The following COL13A1 variants were observed in gnomAD, a reference collection of about 807,000 sequenced individuals.
COL13A1 encodes collagen type XIII alpha 1 chain, also known as collagen alpha-1(XIII) chain.
COL13A1 carries 89 observed loss-of-function variants against 130.9 expected under a neutral mutation model. The observed-to-expected ratio is 0.68, with a 90% CI of 0.57 to 0.81. COL13A1 has a LOEUF of 0.81. Ranked by LOEUF, COL13A1 falls within the 30% of genes least tolerant of loss-of-function variation. COL13A1 has a pLI of 0.00. For missense variants in COL13A1, 879 were observed against 934.6 expected (o/e 0.94, Z 0.78); for synonymous variants, 402 against 341.6 (o/e 1.18, Z -1.95).
In COL13A1 at chr10:69,947,077, C is replaced by T. The variant is rs372016503; in HGVS notation, c.2023-230C>T. 5.9e-5 allele frequency among the ~76,000 whole-genome samples: 9 copies of T among 152,332 alleles called. No homozygotes were observed. The South Asian group carries it at 6.2e-4, about 11-fold the overall frequency. ...TGCTGGGATTACAGGCGTGAGCCAC[C>T]GTGCCCAGCCTGAAGTGTGTTCTTG... On this transcript the variant is annotated intron_variant, in intron 37 of 40. Coordinates refer to ENST00000645393, the MANE Select transcript of COL13A1 (RefSeq NM_001368882.1).
In COL13A1 at chr10:69,824,124, T is replaced by G. The variant is rs781447114; in HGVS notation, c.364+1686T>G. 1.9e-4 allele frequency: 90 copies of G among 472,174 alleles called. 1 individual carries two copies. Among genetic ancestry groups the G allele is most frequent in the Non-Finnish European group, 5.7e-5 (13 of 227,060 alleles). 29.2% of individuals were successfully genotyped at this position (472,174 alleles called of 1,614,324 possible). ...ATGACCTTCAGAGAGTTATTTAACC[T>G]CCTTGTGCCTCAGTTGCCTTGTCTG... On this transcript the variant is annotated intron_variant, in intron 2 of 40. Coordinates refer to ENST00000645393, the MANE Select transcript of COL13A1 (RefSeq NM_001368882.1).
At chr10:69,881,806 C>T (rs1196176195) in intron 7 of COL13A1, among the ~76,000 whole-genome samples, 1 of 152,228 alleles carries the variant, frequency 6.6e-6, no homozygotes, top group African/African-American at 2.4e-5. Flanking sequence ...GACTCCATGA[C>T]ATAGGGACTG....
rs1184119665 is a variant in COL13A1, at chr10:69,904,320, C to G, written c.859-613C>G. On this transcript the variant is annotated intron_variant, in intron 15 of 40. Transcript: ENST00000645393. Reference sequence around the variant, plus strand: ...AACAACGACAACCAAAAAAAGAAAACCAGAGAGCATGTTTCTTAACCCAAT... The same window carrying G: ...AACAACGACAACCAAAAAAAGAAAAGCAGAGAGCATGTTTCTTAACCCAAT... 2.6e-5 allele frequency among the ~76,000 whole-genome samples: 4 copies of G among 152,086 alleles called. No individual in the cohort carries two copies. The East Asian group carries it at 7.7e-4, about 29-fold the overall frequency.
intron 3 of COL13A1, among the ~76,000 whole-genome samples, chr10:69,868,764 A>G (rs986697264): frequency 3.3e-5 from 5 of 152,154 alleles, no homozygotes; most frequent in African/African-American, 1.2e-4. Context: ...AGGCCCTTGC[A>G]CCCACACTGA....
chr10:69,945,860 C>G lies in COL13A1; in HGVS notation c.2022+136C>G, dbSNP rs2068441475. ...GGCCGAGGCGGGCGCATCACGAGGT[C>G]AGGAGATCAAGACTATCCTGGCCAA... On this transcript the variant is annotated intron_variant, in intron 37 of 40. Transcript: ENST00000645393. The G allele has an allele frequency of 2.8e-6, 3 of 1,090,610 alleles. No homozygotes were observed. In the East Asian group the frequency reaches 8.1e-5, roughly 29 times the overall value. 67.6% of individuals were successfully genotyped at this position (1,090,610 alleles called of 1,614,324 possible). A position where few individuals can be genotyped will look rare whatever the true frequency, so the allele number is the denominator to read the frequency against.
At chr10:69,897,767 G>A (rs935611802) in intron 13 of COL13A1, among the ~76,000 whole-genome samples, 1 of 152,238 alleles carries the variant, frequency 6.6e-6, no homozygotes, top group Non-Finnish European at 1.5e-5. Flanking sequence ...CATCCCAGGA[G>A]TCTCGTGTGA....
At position 69,802,555 on chromosome 10, in the gene COL13A1, G is replaced by A. The variant is rs1159849390; in HGVS notation, c.132G>A (p.Ser44=). ...GCGCACGGCTGCCGAGTCCAGGGTC[G>A]TGCGGGCTGCTGACGCTGGCCCTCT... ...ERGARLPSPG[S]CGLLTLALCS... is the part of the protein sequence containing the mutation. The change falls in exon 1 of 41, where the codon TCG becomes TCA. Residue 44 remains serine, a synonymous_variant. Transcript: ENST00000645393. 2.5e-6 allele frequency: 4 copies of A among 1,609,236 alleles called. No individual in the cohort carries two copies. The highest frequency in any genetic ancestry group is 3.4e-6 in the Non-Finnish European group (4 of 1,177,982).
rs757086938 is a variant in COL13A1, at chr10:69,958,723, CTGTG to C, written c.*30_*33del. 1.4e-5 allele frequency: 23 copies of C among 1,613,434 alleles called. 1 individual carries two copies. In the South Asian group the frequency reaches 2.0e-4, roughly 14 times the overall value. On this transcript the variant is annotated 3_prime_UTR_variant, in exon 41 of 41. Coordinates refer to ENST00000645393, the MANE Select transcript of COL13A1 (RefSeq NM_001368882.1). ...GTGATGCCTCTAACCTTGGATTGGC[CTGTG>C]TGTGTGTTTGTACATAGAATATTTA...
intron 2 of COL13A1, among the ~76,000 whole-genome samples, chr10:69,861,549 C>T (rs1858084233): frequency 2.0e-5 from 3 of 152,128 alleles, no homozygotes; most frequent in Admixed American, 2.0e-4. Flanking sequence ...CCCAGCCTCT[C>T]CACCTCCGTC....
In COL13A1 at chr10:69,952,988, T is replaced by C. The variant is rs1292029290; in HGVS notation, c.2145+20T>C. ...CCATTGGTATGTTTTTGTTTATCAC[T>C]TGCATTGTTCTGGTTTTTGTTCTTG... On this transcript the variant is annotated intron_variant, in intron 39 of 40. Coordinates refer to ENST00000645393, the MANE Select transcript of COL13A1 (RefSeq NM_001368882.1). 2.0e-6 allele frequency: 3 copies of C among 1,495,570 alleles called. No individual in the cohort carries two copies. Among genetic ancestry groups the C allele is most frequent in the Non-Finnish European group, 2.7e-6 (3 of 1,126,738 alleles). 92.6% of individuals were successfully genotyped at this position (1,495,570 alleles called of 1,614,324 possible).
chr10:69,917,213 T>C lies in COL13A1; in HGVS notation c.922-76T>C, dbSNP rs2064029515. 1.9e-6 allele frequency: 3 copies of C among 1,580,138 alleles called. No homozygotes were observed. The East Asian group carries it at 6.8e-5, about 36-fold the overall frequency. On this transcript the variant is annotated intron_variant, in intron 17 of 40. Coordinates refer to ENST00000645393, the MANE Select transcript of COL13A1 (RefSeq NM_001368882.1). ...GCCATCCCAGCCTCCAGACAAGACA[T>C]TCTCACCGACATCCTTGCAGGCTGA... is the stretch of plus-strand genomic sequence containing the variant.
At chr10:69,888,139 G>A (rs1037190344) in intron 8 of COL13A1, among the ~76,000 whole-genome samples, 165 bp from the exon 9 acceptor site, 2 of 152,186 alleles carry the variant, frequency 1.3e-5, no homozygotes, top group African/African-American at 4.8e-5. Context: ...GGGAAGTTGA[G>A]GCCTAGGCTT....
At chr10:69,885,854 G>A (rs1236413697) in intron 7 of COL13A1, among the ~76,000 whole-genome samples, 1 of 152,132 alleles carries the variant, frequency 6.6e-6, no homozygotes, top group Non-Finnish European at 1.5e-5. Context: ...CGATAGATGA[G>A]TGGGATCTCC....
At chr10:69,876,031 T>C (rs2059536173) in intron 5 of COL13A1, among the ~76,000 whole-genome samples, 1 of 152,198 alleles carries the variant, frequency 6.6e-6, no homozygotes. Flanking sequence ...GTGAATTTGC[T>C]TGCCTGGTGT....
chr10:69,829,333 G>C, intron 2 of COL13A1: 1 of 883,366 alleles, frequency 1.1e-6, no homozygotes, highest in Non-Finnish European at 1.4e-6. Context: ...AAGCACTTCA[G>C]TACTTTCCAT....
intron 10 of COL13A1, among the ~76,000 whole-genome samples, chr10:69,892,531 C>G (rs2061281060): frequency 6.6e-6 from 1 of 152,172 alleles, no homozygotes. Context: ...GGACTGAGTC[C>G]AAATCTCACC....
chr10:69,839,905 G>T (rs1031108003), intron 2 of COL13A1, among the ~76,000 whole-genome samples: 3 of 152,164 alleles, frequency 2.0e-5, no homozygotes, highest in Admixed American at 6.5e-5. Flanking sequence ...CCACAGGAAG[G>T]TTTTAGGAGG....
At chr10:69,905,317 C>T (rs987117626) in intron 16 of COL13A1, among the ~76,000 whole-genome samples, 1 of 152,164 alleles carries the variant, frequency 6.6e-6, no homozygotes, top group Non-Finnish European at 1.5e-5. Flanking sequence ...GGGAAGAGAC[C>T]TCTAGGGTAA....
At chr10:69,936,072 G>C (rs2135964176) in intron 32 of COL13A1, among the ~76,000 whole-genome samples, 2 of 123,558 alleles carry the variant, frequency 1.6e-5, no homozygotes, top group Middle Eastern at 8.3e-3. Flanking sequence ...GTGAGGGAAG[G>C]GAGGGAGGGA....
Sources: gnomAD v4.1 joint callset for allele counts (sites outside exome capture counted in the v4.1 genomes callset) on GRCh38, gnomAD v4.1.1 for gene constraint, MANE v1.5 for transcripts, NCBI Gene and HGNC (gene_info 2026-07-23, HGNC 2026-07-21) for gene names.